The following USP32 variants were observed in gnomAD, a reference collection of about 807,000 sequenced individuals.
The protein encoded by USP32 is ubiquitin specific peptidase 32.
In USP32, 59 loss-of-function variants were observed where a neutral mutation model predicts 204.8. The observed-to-expected ratio is 0.29, with a 90% CI of 0.23 to 0.36. The LOEUF is 0.36. USP32 is among the 10% of genes least tolerant of loss of function. The pLI is 1.00. For synonymous variants in USP32, 517 were observed against 678.4 expected (o/e 0.76, Z 3.70); for missense variants, 1,160 against 1,946.4 (o/e 0.60, Z 7.60).
intron 12 of USP32, among the ~76,000 whole-genome samples, chr17:60,228,937 G>A (rs191279833): frequency 1.2e-3 from 183 of 152,082 alleles, no homozygotes; most frequent in Non-Finnish European, 2.4e-3. Flanking sequence ...AAAGTGGTGG[G>A]ATTACAGGTG....
intron 3 of USP32, among the ~76,000 whole-genome samples, chr17:60,297,091 G>A (rs1181650198): frequency 6.6e-6 from 1 of 152,178 alleles, no homozygotes; most frequent in East Asian, 1.9e-4. Context: ...ATTAAGTCAT[G>A]TACCCCTACA....
chr17:60,323,875 C>T (rs1488789564), intron 2 of USP32, among the ~76,000 whole-genome samples: 2 of 152,168 alleles, frequency 1.3e-5, no homozygotes, highest in Middle Eastern at 3.2e-3. Flanking sequence ...ACAGCTTCTG[C>T]CATTTGGAAA....
At chr17:60,378,857 G>A (rs1201589191) in intron 1 of USP32, among the ~76,000 whole-genome samples, 1 of 152,058 alleles carries the variant, frequency 6.6e-6, no homozygotes, top group African/African-American at 2.4e-5. Flanking sequence ...ATACAATATT[G>A]TGAATGTACT....
intron 16 of USP32, among the ~76,000 whole-genome samples, chr17:60,217,119 T>A (rs1338270054): frequency 2.6e-5 from 4 of 152,178 alleles, no homozygotes; most frequent in Non-Finnish European, 5.9e-5. Flanking sequence ...TTAGAAAGTT[T>A]TTATAGCATA....
chr17:60,348,397 G>T lies in USP32; in HGVS notation c.59-2789C>A, dbSNP rs78305932. Among the ~76,000 whole-genome samples the T allele has an allele frequency of 2.0e-3, 302 of 152,224 alleles. 2 individuals are homozygous for T. The highest frequency in any genetic ancestry group is 7.1e-3 in the African/African-American group (294 of 41,526). On this transcript the variant is annotated intron_variant, in intron 1 of 33. Transcript: ENST00000300896. ...AAGAAAATTGATATGGAATAGTCAG[G>T]AGAAAAGAAGGAGAAGTAGAAGAGT...
At chr17:60,324,065 G>A (rs1203231933) in intron 2 of USP32, among the ~76,000 whole-genome samples, 1 of 152,162 alleles carries the variant, frequency 6.6e-6, no homozygotes, top group Non-Finnish European at 1.5e-5. Context: ...AAGATTGCTT[G>A]AGGCCAGGAG....
chr17:60,280,321 T>C (rs916873414), intron 5 of USP32, among the ~76,000 whole-genome samples: 3 of 152,120 alleles, frequency 2.0e-5, no homozygotes, highest in East Asian at 1.9e-4. Context: ...GGTCTTGAAC[T>C]CCTGACCTCA....
chr17:60,363,778 C>T (rs145187351), intron 1 of USP32, among the ~76,000 whole-genome samples: 7 of 152,032 alleles, frequency 4.6e-5, no homozygotes, highest in African/African-American at 1.7e-4. Flanking sequence ...AGATTATACA[C>T]GTGAGCCACT....
At chr17:60,238,984 T>C (rs1487593295) in intron 11 of USP32, among the ~76,000 whole-genome samples, 5 of 152,230 alleles carry the variant, frequency 3.3e-5, no homozygotes, top group African/African-American at 1.2e-4. Context: ...AACGAAAACC[T>C]TTCAAATTTT....
At chr17:60,341,912 G>A (rs1369786742) in intron 2 of USP32, among the ~76,000 whole-genome samples, 1 of 152,116 alleles carries the variant, frequency 6.6e-6, no homozygotes, top group Non-Finnish European at 1.5e-5. Context: ...CTGTCAACTC[G>A]TCAAGTGATT....
intron 1 of USP32, among the ~76,000 whole-genome samples, chr17:60,370,284 G>A (rs1387609439): frequency 6.6e-6 from 1 of 151,820 alleles, no homozygotes; most frequent in Non-Finnish European, 1.5e-5. Flanking sequence ...AAAAGACAAT[G>A]AAAATAATGA....
At chr17:60,385,009 C>A (rs932395358) in intron 1 of USP32, among the ~76,000 whole-genome samples, 4 of 152,148 alleles carry the variant, frequency 2.6e-5, no homozygotes, top group Admixed American at 6.5e-5. Flanking sequence ...CATCACATCC[C>A]CTGTGACCTG....
At chr17:60,221,539 C>CT (rs1442282326) in intron 15 of USP32, among the ~76,000 whole-genome samples, 1 of 150,074 alleles carries the variant, frequency 6.7e-6, no homozygotes, top group East Asian at 1.9e-4. Flanking sequence ...GAATCTCGCT[C>CT]TGTCACCCAG....
At chr17:60,269,706 C>T (rs1567816999) in intron 6 of USP32, 149 bp from the exon 7 acceptor site, 1 of 554,266 alleles carries the variant, frequency 1.8e-6, no homozygotes, top group African/African-American at 2.0e-5. Flanking sequence ...TCAGGAAGTA[C>T]CTCTTTCCTC....
chr17:60,392,655 G>A (rs1336493686), upstream of USP32: 1 of 449,608 alleles, frequency 2.2e-6, no homozygotes, highest in Non-Finnish European at 4.5e-6. Flanking sequence ...TAGGCAGGGA[G>A]CTCCCAACCT....
intron 1 of USP32, chr17:60,421,907 G>A: frequency 1.0e-6 from 1 of 985,544 alleles, no homozygotes; most frequent in Non-Finnish European, 1.2e-6. Flanking sequence ...TGTGAAGCGG[G>A]ACCGCTGCGG....
At chr17:60,407,228 T>C (rs919301718) in intron 1 of USP32, among the ~76,000 whole-genome samples, 6 of 152,182 alleles carry the variant, frequency 3.9e-5, no homozygotes, top group African/African-American at 1.4e-4. Context: ...GAAGAAGGTA[T>C]GCAAAAACCT....
At chr17:60,324,300 A>G (rs941498594) in intron 2 of USP32, among the ~76,000 whole-genome samples, 1 of 150,434 alleles carries the variant, frequency 6.6e-6, no homozygotes, top group South Asian at 2.1e-4. Context: ...ATATATATAT[A>G]TATTTTAATT....
At chr17:60,273,160 A>AT (rs1219357541) in intron 5 of USP32, among the ~76,000 whole-genome samples, 1 of 152,034 alleles carries the variant, frequency 6.6e-6, no homozygotes, top group Non-Finnish European at 1.5e-5. Context: ...TTTAGTAGAG[A>AT]TGGAGTTTCG....
Sources: allele counts gnomAD v4.1 joint callset (sites outside exome capture counted in the v4.1 genomes callset), GRCh38; gene constraint gnomAD v4.1.1; transcripts MANE v1.5; gene names NCBI Gene and HGNC (gene_info 2026-07-23, HGNC 2026-07-21).